FLRT1: variants seen among roughly 807,000 people sequenced by gnomAD.
The protein encoded by FLRT1 is fibronectin leucine rich transmembrane protein 1, also known as leucine-rich repeat transmembrane protein FLRT1.
In FLRT1, 14 loss-of-function variants were observed where a neutral mutation model predicts 30.9. The observed-to-expected ratio is 0.45, with a 90% CI of 0.30 to 0.71. The LOEUF (loss-of-function observed/expected upper bound fraction) is 0.71. FLRT1 is among the 30% of genes least tolerant of loss of function. The probability of loss-of-function intolerance (pLI) is 0.08; values close to 1 mark genes in which losing one functional copy is unlikely to be tolerated. For synonymous variants in FLRT1, 368 were observed against 430.4 expected (o/e 0.85, Z 1.80); for missense variants, 737 against 949.2 (o/e 0.78, Z 2.94).
In FLRT1 at chr11:64,103,229, CT is replaced by C. The variant is rs1314724682; in HGVS notation, c.-997del. The C allele has an allele frequency of 1.3e-5, 2 of 152,328 alleles. No homozygotes were observed. Among genetic ancestry groups the C allele is most frequent in the Non-Finnish European group, 1.5e-5 (1 of 68,166 alleles). 9.4% of individuals were successfully genotyped at this position (152,328 alleles called of 1,614,324 possible). ...AGGCAGTGGGCGAGAAGATGGATTC[CT>C]TTTTGGACAGACAAGACCAGAGAGT... is the stretch of plus-strand genomic sequence containing the variant. On this transcript the variant is annotated 5_prime_UTR_variant, in exon 2 of 3. An upstream open reading frame in the 5' UTR gains an earlier in-frame stop. Transcript: ENST00000682287.
At chr11:64,101,970 T>C (rs1014076089) in intron 1 of FLRT1, among the ~76,000 whole-genome samples, 2 of 152,204 alleles carry the variant, frequency 1.3e-5, no homozygotes, top group Non-Finnish European at 2.9e-5. Context: ...TGCCAGGCTG[T>C]GAGCCCCGTG....
At chr11:64,112,833 T>C (rs1193217134) in intron 2 of FLRT1, among the ~76,000 whole-genome samples, 1 of 152,236 alleles carries the variant, frequency 6.6e-6, no homozygotes, top group South Asian at 2.1e-4. Context: ...AGCAGCCACC[T>C]TGATGACTGT....
chr11:64,048,182 G>A (rs540760339), intron 1 of FLRT1, among the ~76,000 whole-genome samples: 30 of 152,348 alleles, frequency 2.0e-4, no homozygotes, highest in African/African-American at 6.0e-4. Flanking sequence ...TGGCCTCTCA[G>A]ACAGACAGGG....
intron 1 of FLRT1, among the ~76,000 whole-genome samples, chr11:64,065,943 G>C (rs1291597108): frequency 1.3e-5 from 2 of 152,200 alleles, no homozygotes; most frequent in African/African-American, 2.4e-5. Context: ...AGGCTTTCCA[G>C]GGGAGGTGAC....
intron 1 of FLRT1, among the ~76,000 whole-genome samples, chr11:64,100,940 G>A (rs1254369885): frequency 6.6e-6 from 1 of 152,142 alleles, no homozygotes; most frequent in Non-Finnish European, 1.5e-5. Flanking sequence ...TAGTGCCTTG[G>A]TTTTCTAAAT....
intron 1 of FLRT1, among the ~76,000 whole-genome samples, chr11:64,076,439 TGGATGGATGGAC>T (rs1247649678): frequency 1.3e-5 from 2 of 151,658 alleles, no homozygotes; most frequent in Admixed American, 6.6e-5. Context: ...CTGTACTGGA[TGGATGGATGGAC>T]GGATGGATGG....
intron 1 of FLRT1, among the ~76,000 whole-genome samples, chr11:64,095,066 C>A (rs1363629294): frequency 1.3e-5 from 2 of 152,156 alleles, no homozygotes; most frequent in African/African-American, 4.8e-5. Context: ...GGCAGGCTCC[C>A]AAATGAAAAG....
At chr11:64,088,116 C>G (rs1431849247) in intron 1 of FLRT1, among the ~76,000 whole-genome samples, 1 of 152,204 alleles carries the variant, frequency 6.6e-6, no homozygotes, top group East Asian at 1.9e-4. Context: ...CCCAGGGCCC[C>G]AGGAGTTCTG....
At chr11:64,094,999 C>G (rs1425744871) in intron 1 of FLRT1, among the ~76,000 whole-genome samples, 1 of 152,158 alleles carries the variant, frequency 6.6e-6, no homozygotes, top group African/African-American at 2.4e-5. Context: ...CTTCAAAGAG[C>G]CTCGTTATTA....
intron 1 of FLRT1, among the ~76,000 whole-genome samples, chr11:64,078,733 A>T (rs1160460749): frequency 1.3e-5 from 2 of 149,758 alleles, no homozygotes; most frequent in Non-Finnish European, 3.0e-5. Context: ...CAGGGAGGGC[A>T]CCCCAAGCTG....
At chr11:64,056,419 C>T (rs1207524349) in intron 1 of FLRT1, among the ~76,000 whole-genome samples, 1 of 152,236 alleles carries the variant, frequency 6.6e-6, no homozygotes, top group African/African-American at 2.4e-5. Flanking sequence ...ACAGCCCAAC[C>T]AGGCTGCCTG....
intron 2 of FLRT1, among the ~76,000 whole-genome samples, chr11:64,113,865 T>C (rs1272570845): frequency 7.2e-6 from 1 of 138,958 alleles, no homozygotes; most frequent in African/African-American, 2.7e-5. Flanking sequence ...GATGTATGGA[T>C]TGATACATGG....
At chr11:64,102,229 C>T (rs553009851) in intron 1 of FLRT1, among the ~76,000 whole-genome samples, 10 of 152,288 alleles carry the variant, frequency 6.6e-5, no homozygotes, top group Non-Finnish European at 1.5e-4. Context: ...GACACCAGGG[C>T]GCCGCGGCCC....
At chr11:64,113,304 T>C (rs1427894286) in intron 2 of FLRT1, among the ~76,000 whole-genome samples, 6 of 152,252 alleles carry the variant, frequency 3.9e-5, no homozygotes, top group African/African-American at 1.4e-4. Context: ...GAATCCCAAG[T>C]GGCTACAACA....
chr11:64,100,880 G>A (rs1413982873), intron 1 of FLRT1, among the ~76,000 whole-genome samples: 1 of 152,194 alleles, frequency 6.6e-6, no homozygotes, highest in African/African-American at 2.4e-5. Context: ...CTGCAGCAGG[G>A]AAGGTGGACT....
chr11:64,050,124 C>A (rs762574373), intron 1 of FLRT1, among the ~76,000 whole-genome samples: 1 of 152,160 alleles, frequency 6.6e-6, no homozygotes, highest in Non-Finnish European at 1.5e-5. Context: ...TTATGCCCCA[C>A]AGGGAAGCCG....
intron 1 of FLRT1, among the ~76,000 whole-genome samples, chr11:64,101,144 A>G (rs560331546): frequency 3.0e-4 from 46 of 152,026 alleles, no homozygotes; most frequent in African/African-American, 1.1e-3. Context: ...CATTGCAGGG[A>G]GGGAGGGATG....
chr11:64,073,222 C>T (rs891222712), intron 1 of FLRT1, among the ~76,000 whole-genome samples: 1 of 152,228 alleles, frequency 6.6e-6, no homozygotes, highest in Non-Finnish European at 1.5e-5. Context: ...ATCCGGCCAT[C>T]GGTTTCTTCA....
intron 1 of FLRT1, among the ~76,000 whole-genome samples, chr11:64,066,996 G>C (rs1287914724): frequency 2.0e-5 from 3 of 152,224 alleles, no homozygotes; most frequent in Admixed American, 2.0e-4. Flanking sequence ...CCAAGCCTCT[G>C]CCCTCACGCT....
Sources: gnomAD v4.1 joint callset for allele counts (sites outside exome capture counted in the v4.1 genomes callset) on GRCh38, gnomAD v4.1.1 for gene constraint, MANE v1.5 for transcripts, NCBI Gene and HGNC (gene_info 2026-07-23, HGNC 2026-07-21) for gene names.